Variants in BCAS3 observed in about 807,000 individuals in gnomAD.
The protein encoded by BCAS3 is BCAS4/BCAS3 fusion.
A neutral mutation model predicts 116.1 loss-of-function variants in BCAS3; 53 were observed. That is an observed-to-expected ratio of 0.46 (90% CI 0.37 to 0.57). The LOEUF (loss-of-function observed/expected upper bound fraction) is 0.57. Ranked by LOEUF, BCAS3 falls within the 20% of genes least tolerant of loss-of-function variation. The pLI, the probability that BCAS3 is intolerant of heterozygous loss-of-function variation, is 0.00. For synonymous variants in BCAS3, 391 were observed against 408.2 expected (o/e 0.96, Z 0.51); for missense variants, 917 against 1,165.4 (o/e 0.79, Z 3.10).
Position 61,248,818 on chromosome 17 carries a change from G to A in BCAS3, c.2426-119509G>A, listed in dbSNP as rs2048163730. On this transcript the variant is annotated intron_variant, in intron 22 of 23. Transcript: ENST00000407086. The surrounding 1 kb of genome is among the most constrained non-coding windows in gnomAD (Gnocchi z 4.3). ...AGACCTGTAGGTCAAGAGGTTTGAA[G>A]CAGTATATTCACCTTTTACACTTCA... Among the ~76,000 whole-genome samples, 1 of 152,168 alleles carries A rather than the reference G, an allele frequency of 6.6e-6. No individual in the cohort carries two copies. Among genetic ancestry groups the A allele is most frequent in the African/African-American group, 2.4e-5 (1 of 41,444 alleles).
intron 22 of BCAS3, among the ~76,000 whole-genome samples, chr17:61,187,297 C>G (rs2079837676): frequency 6.6e-6 from 1 of 152,190 alleles, no homozygotes; most frequent in Admixed American, 6.5e-5. Flanking sequence ...CTTTATGTTG[C>G]TGACATGTGT....
At chr17:60,705,930 A>C (rs1237377972) in intron 4 of BCAS3, among the ~76,000 whole-genome samples, 1 of 152,180 alleles carries the variant, frequency 6.6e-6, no homozygotes, top group Admixed American at 6.6e-5. Context: ...ATAAAGTTAT[A>C]CTGAGTGTGC....
Position 61,099,073 on chromosome 17 carries a change from G to A in BCAS3, c.2425+14509G>A, listed in dbSNP as rs148473923. 8.1e-3 allele frequency among the ~76,000 whole-genome samples: 1,231 copies of A among 152,200 alleles called. 16 individuals carry two copies. Among genetic ancestry groups the A allele is most frequent in the African/African-American group, 0.027 (1,133 of 41,516 alleles). On this transcript the variant is annotated intron_variant, in intron 22 of 23. Coordinates refer to ENST00000407086, the MANE Select transcript of BCAS3 (RefSeq NM_017679.5). Reference sequence around the variant, plus strand: ...TGGGAGGCGGAGCTCACAGTGAGCTGAGATCGCACCATTGCACTCCAGCCT... The same window carrying A: ...TGGGAGGCGGAGCTCACAGTGAGCTAAGATCGCACCATTGCACTCCAGCCT...
chr17:61,308,051 G>T (rs939954492), intron 22 of BCAS3, among the ~76,000 whole-genome samples: 1 of 152,064 alleles, frequency 6.6e-6, no homozygotes, highest in Non-Finnish European at 1.5e-5. Context: ...GCTATATGTG[G>T]ACCTCCTAAA....
In BCAS3 at chr17:61,256,236, AGAGGT is replaced by A. The variant is rs2048763740; in HGVS notation, c.2426-112090_2426-112086del. Reference sequence around the variant, plus strand: ...TGTCAAGCCTTCCATCTTCAAGCCAAGAGGTAGTTTGGTTTTTGTTTGTTTGTTTG... The same window carrying A: ...TGTCAAGCCTTCCATCTTCAAGCCAAAGTTTGGTTTTTGTTTGTTTGTTTG... On this transcript the variant is annotated intron_variant, in intron 22 of 23. Transcript: ENST00000407086. The surrounding 1 kb of genome is among the most constrained non-coding windows in gnomAD (Gnocchi z 5.6). Among the ~76,000 whole-genome samples, 1 of 151,454 alleles carries A rather than the reference AGAGGT, an allele frequency of 6.6e-6. No individual in the cohort carries two copies. The highest frequency in any genetic ancestry group is 1.5e-5 in the Non-Finnish European group (1 of 67,858).
intron 12 of BCAS3, among the ~76,000 whole-genome samples, chr17:60,920,221 G>A (rs1209821290): frequency 6.6e-6 from 1 of 152,140 alleles, no homozygotes. Context: ...CCCCAAAAGC[G>A]ATTGCAACCA....
chr17:60,975,177 A>G (rs573177647), intron 14 of BCAS3, among the ~76,000 whole-genome samples: 101 of 150,314 alleles, frequency 6.7e-4, no homozygotes, highest in African/African-American at 2.2e-3. Context: ...AATTTTTTGT[A>G]TTTTTAGTAG....
chr17:61,047,431 C>A (rs894459001), intron 19 of BCAS3, among the ~76,000 whole-genome samples: 14 of 152,022 alleles, frequency 9.2e-5, no homozygotes, highest in African/African-American at 2.9e-4. Context: ...AGATGGTAAT[C>A]TAATTTTTCT....
At chr17:60,712,635 A>G (rs2038072229) in intron 5 of BCAS3, among the ~76,000 whole-genome samples, 1 of 152,230 alleles carries the variant, frequency 6.6e-6, no homozygotes, top group Non-Finnish European at 1.5e-5. Flanking sequence ...AAGATATGAC[A>G]TGTGAGTAGT....
At chr17:61,274,042 T>C (rs1049696388) in intron 22 of BCAS3, among the ~76,000 whole-genome samples, 7 of 151,318 alleles carry the variant, frequency 4.6e-5, no homozygotes, top group Admixed American at 2.0e-4. Flanking sequence ...ATGTGCCATG[T>C]TGGTGTGCTG....
rs1299235770 is a variant in BCAS3, at chr17:61,082,034, T to C, written c.2328-2433T>C. ...AACCAAAATGGGAAACAGGCAGGCA[T>C]AGTGTTGACTCTCATCCATAAGGGA... On this transcript the variant is annotated intron_variant, in intron 21 of 23. Coordinates refer to ENST00000407086, the MANE Select transcript of BCAS3 (RefSeq NM_017679.5). The surrounding 1 kb of genome is among the most constrained non-coding windows in gnomAD (Gnocchi z 5.1). Among the ~76,000 whole-genome samples, 4 of 152,038 alleles carry C rather than the reference T, an allele frequency of 2.6e-5. No individual in the cohort carries two copies. Among genetic ancestry groups the C allele is most frequent in the African/African-American group, 9.7e-5 (4 of 41,388 alleles).
chr17:60,700,587 T>G (rs1262294016), intron 4 of BCAS3, among the ~76,000 whole-genome samples: 1 of 152,130 alleles, frequency 6.6e-6, no homozygotes, highest in Non-Finnish European at 1.5e-5. Flanking sequence ...AAATGGAAAT[T>G]TAGAAATTGG....
In BCAS3 at chr17:61,013,001, C is replaced by A. The variant is rs2145521557; in HGVS notation, c.1487-2750C>A. ...CATAGTTAGAGATTCCTCACTACTC[C>A]TCACATAATGGCATCCCTTTATACC... On this transcript the variant is annotated intron_variant, in intron 15 of 23. Transcript: ENST00000407086. The surrounding 1 kb of genome is among the most constrained non-coding windows in gnomAD (Gnocchi z 4.4). 6.6e-6 allele frequency among the ~76,000 whole-genome samples: 1 copy of A among 152,140 alleles called. No individual in the cohort carries two copies. The highest frequency in any genetic ancestry group is 3.4e-3 in the Middle Eastern group (1 of 292).
intron 22 of BCAS3, among the ~76,000 whole-genome samples, chr17:61,283,844 G>A (rs879538170): frequency 1.3e-4 from 19 of 151,792 alleles, no homozygotes; most frequent in Non-Finnish European, 2.5e-4. Flanking sequence ...GCTCACTGCA[G>A]CCTCAACCTC....
chr17:61,206,208 G>A (rs955857570), intron 22 of BCAS3, among the ~76,000 whole-genome samples: 1 of 152,172 alleles, frequency 6.6e-6, no homozygotes, highest in Non-Finnish European at 1.5e-5. Context: ...AGATTGAGAT[G>A]TATGGGGTGA....
chr17:61,206,936 T>A (rs1462837849), intron 22 of BCAS3, among the ~76,000 whole-genome samples: 2 of 151,352 alleles, frequency 1.3e-5, no homozygotes, highest in Admixed American at 6.6e-5. Context: ...TTTTTTTTTT[T>A]AATTTGATTT....
intron 7 of BCAS3, among the ~76,000 whole-genome samples, chr17:60,814,989 A>G (rs2049237416): frequency 6.6e-6 from 1 of 152,192 alleles, no homozygotes; most frequent in Admixed American, 6.5e-5. Context: ...TGCTATAAAG[A>G]CACATGCACG....
intron 22 of BCAS3, among the ~76,000 whole-genome samples, chr17:61,152,355 G>A (rs372823709): frequency 2.0e-5 from 3 of 152,036 alleles, no homozygotes; most frequent in East Asian, 1.9e-4. Flanking sequence ...GCAATGATTG[G>A]TGCATTTTAC....
rs537775039 is a variant in BCAS3 at position 61,189,795 on chromosome 17, A to G, written c.2425+105231A>G. On this transcript the variant is annotated intron_variant, in intron 22 of 23. Transcript: ENST00000407086. This position sits in a 1 kb window ranked among gnomAD's most constrained non-coding sequence, Gnocchi z 4.5. ...GAGAAGCGGTTTAAAGAGGAGCTCA[A>G]TCCTTTTAGGAATTTGACCTTGATG... Among the ~76,000 whole-genome samples, 14 of 152,348 alleles carry G rather than the reference A, an allele frequency of 9.2e-5. No individual in the cohort carries two copies. Among genetic ancestry groups the G allele is most frequent in the African/African-American group, 3.4e-4 (14 of 41,574 alleles).
Sources: allele counts gnomAD v4.1 joint callset (sites outside exome capture counted in the v4.1 genomes callset), GRCh38; gene constraint gnomAD v4.1.1; non-coding constraint Gnocchi (gnomAD v3.1); transcripts MANE v1.5; gene names NCBI Gene and HGNC (gene_info 2026-07-23, HGNC 2026-07-21).